Variants in LINGO2 observed in about 807,000 individuals in gnomAD.
LINGO2 encodes the protein leucine-rich repeat and immunoglobulin-like domain-containing nogo receptor-interacting protein 2.
LINGO2 carries 14 observed loss-of-function variants against 30.6 expected under a neutral mutation model. That is an observed-to-expected ratio of 0.46 (90% CI 0.30 to 0.72). The LOEUF (loss-of-function observed/expected upper bound fraction) is 0.72. LINGO2 is among the 30% of genes least tolerant of loss of function. The pLI, the probability that LINGO2 is intolerant of heterozygous loss-of-function variation, is 0.07. For missense variants in LINGO2, 729 were observed against 751.7 expected (o/e 0.97, Z 0.35); for synonymous variants, 317 against 288.5 (o/e 1.10, Z -1.00).
intron 2 of LINGO2, among the ~76,000 whole-genome samples, chr9:28,417,679 C>T (rs560770125): frequency 6.6e-6 from 1 of 152,262 alleles, no homozygotes; most frequent in South Asian, 2.1e-4. Flanking sequence ...TAACAAAATG[C>T]CATTCCTACT....
At chr9:28,083,348 C>T (rs1265068277) in intron 4 of LINGO2, among the ~76,000 whole-genome samples, 2 of 152,146 alleles carry the variant, frequency 1.3e-5, no homozygotes, top group African/African-American at 4.8e-5. Context: ...CCTGGCTCTG[C>T]CTCTGGGTGA....
intron 2 of LINGO2, among the ~76,000 whole-genome samples, chr9:28,382,548 G>A (rs1168131051): frequency 6.6e-6 from 1 of 152,128 alleles, no homozygotes; most frequent in African/African-American, 2.4e-5. Flanking sequence ...TACATCAGCA[G>A]TATTTAGAGC....
Position 28,502,343 on chromosome 9 carries a change from T to C in LINGO2, c.-364-26318A>G, listed in dbSNP as rs78285357. Among the ~76,000 whole-genome samples the C allele has an allele frequency of 7.4e-3, 1,123 of 152,200 alleles. 9 individuals are homozygous for C. The highest frequency in any genetic ancestry group is 0.014 in the Non-Finnish European group (920 of 67,980). The stretch of plus-strand genomic sequence containing the variant: ...ATATTTCCAGTATTTCAGCTTGACT[T>C]CTCTCTTGTCTGCCCAAATAATCTC... On this transcript the variant is annotated intron_variant, in intron 1 of 5. Transcript: ENST00000379992.
chr9:28,843,893 A>G, the LINGO2 span, among the ~76,000 whole-genome samples: 4 of 151,394 alleles, frequency 2.6e-5, no homozygotes, highest in African/African-American at 4.9e-5. Flanking sequence ...TATTGGCTCT[A>G]CTTCTTACAG....
At chr9:28,679,703 A>C in the LINGO2 span, among the ~76,000 whole-genome samples, 1 of 152,096 alleles carries the variant, frequency 6.6e-6, no homozygotes, top group Non-Finnish European at 1.5e-5. Flanking sequence ...AGATATGGAG[A>C]TAAAAACATG....
the LINGO2 span, among the ~76,000 whole-genome samples, chr9:28,983,716 G>A: frequency 6.6e-6 from 1 of 151,802 alleles, no homozygotes; most frequent in Non-Finnish European, 1.5e-5. Context: ...CATCCATACA[G>A]TACCTAGTCC....
the LINGO2 span, among the ~76,000 whole-genome samples, chr9:28,944,694 C>T: frequency 1.2e-4 from 18 of 152,158 alleles, no homozygotes; most frequent in Non-Finnish European, 1.8e-4. Context: ...GCGTGAGCCA[C>T]CACACCTGGC....
the LINGO2 span, among the ~76,000 whole-genome samples, chr9:29,172,348 C>A: frequency 6.6e-6 from 1 of 151,726 alleles, no homozygotes. Flanking sequence ...ATCAAGATGA[C>A]TCTCCTCAGT....
At chr9:29,007,165 T>C in the LINGO2 span, among the ~76,000 whole-genome samples, 1 of 152,124 alleles carries the variant, frequency 6.6e-6, no homozygotes. Context: ...GAGAAGTTTT[T>C]AAAGATATAC....
the LINGO2 span, among the ~76,000 whole-genome samples, chr9:28,941,457 C>T: frequency 6.6e-6 from 1 of 152,086 alleles, no homozygotes; most frequent in East Asian, 1.9e-4. Context: ...GCTAATGATA[C>T]TGTCCAATTA....
chr9:29,060,943 A>G, the LINGO2 span, among the ~76,000 whole-genome samples: 1 of 151,986 alleles, frequency 6.6e-6, no homozygotes, highest in Admixed American at 6.6e-5. Flanking sequence ...GGATAGGTAA[A>G]ATAGATTACA....
chr9:27,971,606 CT>C (rs1344208618), intron 5 of LINGO2, among the ~76,000 whole-genome samples: 1 of 152,124 alleles, frequency 6.6e-6, no homozygotes, highest in Non-Finnish European at 1.5e-5. Flanking sequence ...CCAGGCTGGT[CT>C]CAAACTCTTG....
chr9:28,994,468 C>T, the LINGO2 span, among the ~76,000 whole-genome samples: 1 of 151,180 alleles, frequency 6.6e-6, no homozygotes, highest in African/African-American at 2.4e-5. Flanking sequence ...GATTCAATGC[C>T]ATCCCCATCA....
At chr9:28,405,719 A>C (rs958943977) in intron 2 of LINGO2, among the ~76,000 whole-genome samples, 1 of 152,186 alleles carries the variant, frequency 6.6e-6, no homozygotes, top group African/African-American at 2.4e-5. Flanking sequence ...GAATAAGACA[A>C]ACTTCTCTTT....
intron 3 of LINGO2, among the ~76,000 whole-genome samples, chr9:28,358,073 A>C (rs1820296252): frequency 6.6e-6 from 1 of 152,114 alleles, no homozygotes; most frequent in African/African-American, 2.4e-5. Context: ...CTCCATCTAG[A>C]CTATTATAAC....
the LINGO2 span, among the ~76,000 whole-genome samples, chr9:29,110,491 C>T: frequency 6.6e-6 from 1 of 151,750 alleles, no homozygotes; most frequent in South Asian, 2.1e-4. Context: ...CGCCGCCACG[C>T]CCGGCTAATT....
intron 1 of LINGO2, among the ~76,000 whole-genome samples, chr9:28,574,410 G>C (rs986977799): frequency 6.6e-6 from 1 of 152,136 alleles, no homozygotes; most frequent in African/African-American, 2.4e-5. Flanking sequence ...TCACTGTTTA[G>C]TGTGTCATTC....
the LINGO2 span, among the ~76,000 whole-genome samples, chr9:29,072,351 G>A: frequency 6.6e-6 from 1 of 151,816 alleles, no homozygotes; most frequent in African/African-American, 2.4e-5. Context: ...GGAAACATAA[G>A]ACCTTTTAGA....
chr9:29,095,045 G>A, the LINGO2 span, among the ~76,000 whole-genome samples: 1 of 138,422 alleles, frequency 7.2e-6, no homozygotes, highest in East Asian at 2.5e-4. Context: ...CACAACAAAT[G>A]CCAAATGAGT....
Sources: gnomAD v4.1 joint callset for allele counts (sites outside exome capture counted in the v4.1 genomes callset) on GRCh38, gnomAD v4.1.1 for gene constraint, MANE v1.5 for transcripts, NCBI Gene and HGNC (gene_info 2026-07-23, HGNC 2026-07-21) for gene names.